VGLL4: variants seen among roughly 807,000 people sequenced by gnomAD.
VGLL4 encodes the protein transcription cofactor vestigial-like protein 4.
VGLL4 carries 7 observed loss-of-function variants against 21.0 expected under a neutral mutation model. That is an observed-to-expected ratio of 0.33 (90% CI 0.19 to 0.63). VGLL4 has a LOEUF of 0.63. Among genes scored for constraint, VGLL4 ranks in the 20% least tolerant of loss-of-function variants. The probability of loss-of-function intolerance (pLI) is 0.78; values close to 1 mark genes in which losing one functional copy is unlikely to be tolerated. For synonymous variants in VGLL4, 222 were observed against 173.2 expected, an observed-to-expected ratio of 1.28 and a Z score of -2.21; for missense variants, 394 against 425.7, an observed-to-expected ratio of 0.93 and a Z score of 0.66.
chr3:11,667,002 G>C (rs191947884), intron 2 of VGLL4, among the ~76,000 whole-genome samples: 1 of 152,138 alleles, frequency 6.6e-6, no homozygotes, highest in Non-Finnish European at 1.5e-5. Context: ...CAAAGATCTA[G>C]CCTCATTTGC....
Position 11,565,926 on chromosome 3 carries a change from A to C in VGLL4, c.273-907T>G, listed in dbSNP as rs2073471247. ...CATCTGCCTTGGGTCTTGCCCCTTC[A>C]ATCCACCATATTATCCGCTGACAGA... On this transcript the variant is annotated intron_variant, in intron 2 of 4. Coordinates refer to ENST00000430365, the MANE Select transcript of VGLL4 (RefSeq NM_001128219.3). This position sits in a 1 kb window ranked among gnomAD's most constrained non-coding sequence, Gnocchi z 4.1. Among the ~76,000 whole-genome samples, 1 of 152,174 alleles carries C rather than the reference A, an allele frequency of 6.6e-6. No homozygotes were observed. Among genetic ancestry groups the C allele is most frequent in the South Asian group, 2.1e-4 (1 of 4,822 alleles).
At chr3:11,709,533 G>A (rs1483932924) in intron 1 of VGLL4, among the ~76,000 whole-genome samples, 1 of 150,260 alleles carries the variant, frequency 6.7e-6, no homozygotes, top group East Asian at 1.9e-4. Context: ...CCTTTTTCGT[G>A]GTTGTCAAAT....
intron 1 of VGLL4, among the ~76,000 whole-genome samples, chr3:11,612,985 C>T (rs2075091269): frequency 6.6e-6 from 1 of 152,080 alleles, no homozygotes; most frequent in Admixed American, 6.5e-5. Context: ...GTATTGGAAT[C>T]AGGCACTTTG....
rs542895784 is a variant in VGLL4 at position 11,589,264 on chromosome 3, T to C, written c.272+12569A>G. ...GATATAAAAGAACAGGTGATCTCTC[T>C]AGAAATAGCTATGGAGGCGGGGAGA... On this transcript the variant is annotated intron_variant, in intron 2 of 4. Transcript: ENST00000430365. Among the ~76,000 whole-genome samples, 7 of 152,220 alleles carry C rather than the reference T, an allele frequency of 4.6e-5. No homozygotes were observed. The South Asian group carries it at 1.5e-3, about 32-fold the overall frequency.
In VGLL4 at chr3:11,682,141, C is replaced by T. The variant is rs147935108; in HGVS notation, c.64+20830G>A. On this transcript the variant is annotated intron_variant, in intron 2 of 5. Coordinates refer to the VGLL4 transcript ENST00000273038. ...AGGTGTGGCCGGGTGCAGTGGCTCA[C>T]GCCTGTAATCCTAGCACTTTGGGAG... Among the ~76,000 whole-genome samples, 119 of 152,092 alleles carry T rather than the reference C, an allele frequency of 7.8e-4. 1 individual carries two copies. The East Asian group carries it at 0.02, about 26-fold the overall frequency.
At chr3:11,692,249 T>G (rs1035072213) in intron 2 of VGLL4, among the ~76,000 whole-genome samples, 1 of 152,202 alleles carries the variant, frequency 6.6e-6, no homozygotes, top group African/African-American at 2.4e-5. Context: ...ATATCCAATT[T>G]CTAACATTTA....
chr3:11,567,343 G>A lies in VGLL4; in HGVS notation c.273-2324C>T, dbSNP rs148965282. On this transcript the variant is annotated intron_variant, in intron 2 of 4. Coordinates refer to ENST00000430365, the MANE Select transcript of VGLL4 (RefSeq NM_001128219.3). ...CTAAACCGAGTATATTGATTATAGG[G>A]TGATTAGCTGTACAGGACCCAGTAT... Among the ~76,000 whole-genome samples the A allele has an allele frequency of 3.0e-3, 459 of 152,226 alleles. 2 individuals are homozygous for A. Among genetic ancestry groups the A allele is most frequent in the South Asian group, 8.7e-3 (42 of 4,826 alleles).
chr3:11,564,407 C>CT (rs1012291143), intron 3 of VGLL4, among the ~76,000 whole-genome samples: 2 of 147,718 alleles, frequency 1.4e-5, no homozygotes, highest in Admixed American at 6.7e-5. Flanking sequence ...AACGTAGGAC[C>CT]CCCCCACCCG....
chr3:11,576,945 G>A (rs1420077120), intron 2 of VGLL4, among the ~76,000 whole-genome samples: 2 of 152,234 alleles, frequency 1.3e-5, no homozygotes, highest in African/African-American at 4.8e-5. Flanking sequence ...AGAAGTGTCT[G>A]CAAGTCACTG....
intron 2 of VGLL4, chr3:11,582,182 G>A: frequency 7.5e-7 from 1 of 1,335,150 alleles, no homozygotes; most frequent in Middle Eastern, 1.8e-4. Flanking sequence ...CCCAGCACTT[G>A]CTGTCTCGCA....
At chr3:11,669,855 A>AT (rs2076178604) in intron 2 of VGLL4, among the ~76,000 whole-genome samples, 1 of 152,012 alleles carries the variant, frequency 6.6e-6, no homozygotes, top group African/African-American at 2.4e-5. Flanking sequence ...TAATTTTTTA[A>AT]TTTTTTGTAG....
rs964266885 is a variant in VGLL4, at chr3:11,714,561, T to A, written c.-14+5833A>T. ...CAAAAAATAAAATAAAATAAATAAA[T>A]AAAAATACAAAAAAAAAAAGAAAAA... On this transcript the variant is annotated intron_variant, in intron 1 of 5. Transcript: ENST00000273038. Among the ~76,000 whole-genome samples, 193 of 143,506 alleles carry A rather than the reference T, an allele frequency of 1.3e-3. 3 individuals are homozygous for A. The highest frequency in any genetic ancestry group is 4.9e-3 in the African/African-American group (186 of 37,636). The allele number at this position is 143,506 out of a possible 152,430, so 94.1% of individuals were successfully genotyped here.
At chr3:11,600,433 GA>G (rs1393615766) in intron 2 of VGLL4, among the ~76,000 whole-genome samples, 1 of 151,794 alleles carries the variant, frequency 6.6e-6, no homozygotes, top group Non-Finnish European at 1.5e-5. Flanking sequence ...GAAAGTATAA[GA>G]AATTCGTGGG....
At chr3:11,587,801 A>C (rs1219861709) in intron 2 of VGLL4, among the ~76,000 whole-genome samples, 4 of 152,150 alleles carry the variant, frequency 2.6e-5, no homozygotes, top group Admixed American at 6.5e-5. Flanking sequence ...ATGCATAAGC[A>C]AGAAATACAG....
At chr3:11,633,089 A>C (rs2075515025) in intron 1 of VGLL4, 1 of 152,204 alleles carries the variant, frequency 6.6e-6, no homozygotes, top group Admixed American at 6.5e-5. Flanking sequence ...GCCTCTAAGA[A>C]CAGTATTCTA....
chr3:11,606,047 G>A (rs2074933789), intron 1 of VGLL4, among the ~76,000 whole-genome samples: 1 of 152,214 alleles, frequency 6.6e-6, no homozygotes, highest in South Asian at 2.1e-4. Context: ...AAAGAGGCTT[G>A]ATGGATTCAT....
intron 2 of VGLL4, among the ~76,000 whole-genome samples, chr3:11,681,060 T>C (rs2076361532): frequency 6.6e-6 from 1 of 152,198 alleles, no homozygotes; most frequent in African/African-American, 2.4e-5. Flanking sequence ...TCATAATTGT[T>C]CTTTCTAAAT....
intron 2 of VGLL4, among the ~76,000 whole-genome samples, chr3:11,597,415 G>A (rs2442773): frequency 0.8 from 121,246 of 151,958 alleles, 48,881 homozygotes; most frequent in Non-Finnish European, 0.86. Context: ...CAGGGTCACC[G>A]TATTGGAACC....
In VGLL4 at chr3:11,579,894, A is replaced by G. The variant is rs149928487; in HGVS notation, c.273-14875T>C. 3.9e-3 allele frequency among the ~76,000 whole-genome samples: 592 copies of G among 152,298 alleles called. 2 individuals are homozygous for G. The highest frequency in any genetic ancestry group is 0.013 in the African/African-American group (531 of 41,560). ...ATTCCTGGAGCTCGGTCTGCCCTCC[A>G]AGCTGCCTGACTCTCCTTCACAGCC... On this transcript the variant is annotated intron_variant, in intron 2 of 4. Transcript: ENST00000430365.
Sources: allele counts gnomAD v4.1 joint callset (sites outside exome capture counted in the v4.1 genomes callset), GRCh38; gene constraint gnomAD v4.1.1; non-coding constraint Gnocchi (gnomAD v3.1); transcripts MANE v1.5; gene names NCBI Gene and HGNC (gene_info 2026-07-23, HGNC 2026-07-21).